The following ZNF566 variants were observed in gnomAD, a reference collection of about 807,000 sequenced individuals.
ZNF566 encodes zinc finger protein 566.
Under a neutral mutation model 32.8 loss-of-function variants are expected in ZNF566, and 27 were observed. The ratio of observed to expected loss-of-function variants is 0.82; its 90% CI spans 0.61 to 1.14. ZNF566 has a LOEUF of 1.14. ZNF566 is among the 50% of genes most tolerant of loss of function. ZNF566 has a pLI of 0.00. For synonymous variants in ZNF566, 154 were observed against 159.5 expected (o/e 0.97, Z 0.26); for missense variants, 402 against 490.4 (o/e 0.82, Z 1.70).
chr19:36,457,264 CTT>C (rs1308572329), intron 4 of ZNF566, among the ~76,000 whole-genome samples: 1 of 152,074 alleles, frequency 6.6e-6, no homozygotes, highest in Non-Finnish European at 1.5e-5. Flanking sequence ...GGATTAAAGA[CTT>C]AAACATGAGA....
At chr19:36,476,306 G>GAA (rs74174412) in intron 2 of ZNF566, 1,610 of 222,730 alleles carry the variant, frequency 7.2e-3, no homozygotes, top group South Asian at 0.013. Flanking sequence ...ACTCCATCTC[G>GAA]AAAAAAAAAA....
chr19:36,485,582 T>C (rs1028919464), intron 1 of ZNF566, among the ~76,000 whole-genome samples: 1 of 150,128 alleles, frequency 6.7e-6, no homozygotes, highest in Admixed American at 6.7e-5. Flanking sequence ...GCCAACATGG[T>C]GAAACCCCAT....
chr19:36,458,977 C>G (rs568107743), intron 4 of ZNF566, among the ~76,000 whole-genome samples: 3 of 152,200 alleles, frequency 2.0e-5, no homozygotes, highest in Non-Finnish European at 2.9e-5. Context: ...CCTCAGCCTC[C>G]CAGGTAGCTG....
intron 4 of ZNF566, among the ~76,000 whole-genome samples, chr19:36,470,127 T>G (rs1313363507): frequency 6.6e-6 from 1 of 152,166 alleles, no homozygotes; most frequent in East Asian, 1.9e-4. Flanking sequence ...TTTCTGTCCT[T>G]GCTATATTTA....
intron 2 of ZNF566, 112 bp from the exon 3 acceptor site, chr19:36,473,570 G>A (rs1373483585): frequency 2.1e-6 from 2 of 961,040 alleles, no homozygotes; most frequent in Non-Finnish European, 3.0e-6. Context: ...GTGAGCATAT[G>A]AATGTCTGGG....
Position 36,449,909 on chromosome 19 carries a change from T to C in ZNF566, c.325A>G (p.Thr109Ala), listed in dbSNP as rs772912892. ...STQWEIMEKLTRRDFQCSSFR... is the reference protein window; with the variant it reads ...STQWEIMEKLARRDFQCSSFR... ...CTGGAGCACTGAAAATCACGTCTTG[T>C]GAGTTTTTCCATTATTTCCCACTGG... The change falls in exon 5 of 5, where the codon ACA becomes GCA. Residue 109 changes from threonine to alanine, a missense_variant. Thr to Ala is a moderately conservative substitution (Grantham distance 58). Coordinates refer to ENST00000452939, the MANE Select transcript of ZNF566 (RefSeq NM_001145344.1). 3.3e-5 allele frequency: 53 copies of C among 1,613,974 alleles called. No individual in the cohort carries two copies. The South Asian group carries it at 5.7e-4, about 17-fold the overall frequency.
At chr19:36,465,912 T>C (rs971487344) in intron 4 of ZNF566, among the ~76,000 whole-genome samples, 2 of 151,074 alleles carry the variant, frequency 1.3e-5, no homozygotes, top group Non-Finnish European at 2.9e-5. Flanking sequence ...GCAGTATAAA[T>C]ATATATAAAG....
intron 4 of ZNF566, among the ~76,000 whole-genome samples, chr19:36,461,860 C>T (rs1003318455): frequency 2.6e-5 from 4 of 152,008 alleles, no homozygotes; most frequent in African/African-American, 9.7e-5. Flanking sequence ...TGTGTGTACA[C>T]CACCCAATCC....
chr19:36,475,718 G>A (rs1013961221), intron 2 of ZNF566, among the ~76,000 whole-genome samples: 5 of 152,034 alleles, frequency 3.3e-5, no homozygotes, highest in African/African-American at 7.3e-5. Context: ...GGGGGGCGGC[G>A]GGGAACTGAA....
At chr19:36,483,365 C>G (rs1030904194) in intron 1 of ZNF566, among the ~76,000 whole-genome samples, 1 of 152,168 alleles carries the variant, frequency 6.6e-6, no homozygotes, top group Non-Finnish European at 1.5e-5. Context: ...AATAAGCACA[C>G]CAAGTGCCCA....
rs118037844 is a variant in ZNF566, at chr19:36,468,306, G to A, written c.232+4605C>T. Among the ~76,000 whole-genome samples the A allele has an allele frequency of 6.3e-3, 956 of 151,788 alleles. 6 individuals carry two copies. Among genetic ancestry groups the A allele is most frequent in the Non-Finnish European group, 0.01 (706 of 68,000 alleles). On this transcript the variant is annotated intron_variant, in intron 4 of 4. Coordinates refer to ENST00000452939, the MANE Select transcript of ZNF566 (RefSeq NM_001145344.1). The stretch of plus-strand genomic sequence containing the variant: ...AAACAAATACAAGTGTTGAAGAAAA[G>A]TTAAAATTAGGTAGCTCGGCTGGGT...
At chr19:36,477,197 T>G (rs1247989596) in intron 1 of ZNF566, among the ~76,000 whole-genome samples, 2 of 148,580 alleles carry the variant, frequency 1.3e-5, no homozygotes, top group Non-Finnish European at 3.0e-5. Flanking sequence ...TTTTTAGTAG[T>G]GATGGGGTTT....
intron 2 of ZNF566, among the ~76,000 whole-genome samples, chr19:36,474,900 C>G (rs988146837): frequency 2.0e-5 from 3 of 152,158 alleles, no homozygotes; most frequent in Admixed American, 6.5e-5. Context: ...TTTAGAAATT[C>G]AGGCTAGAGG....
intron 4 of ZNF566, among the ~76,000 whole-genome samples, chr19:36,466,454 T>C (rs1398987232): frequency 2.0e-5 from 3 of 152,228 alleles, no homozygotes; most frequent in African/African-American, 7.2e-5. Flanking sequence ...CAACTATACG[T>C]ATTTTACATC....
At chr19:36,482,299 G>C (rs1018189313) in intron 1 of ZNF566, among the ~76,000 whole-genome samples, 2 of 152,070 alleles carry the variant, frequency 1.3e-5, no homozygotes, top group African/African-American at 4.8e-5. Flanking sequence ...TAGAGACGGG[G>C]TTTCACCGTG....
intron 4 of ZNF566, among the ~76,000 whole-genome samples, chr19:36,468,467 G>A (rs1466872348): frequency 1.3e-5 from 2 of 151,432 alleles, no homozygotes; most frequent in Admixed American, 6.6e-5. Context: ...TTAGCTGGGT[G>A]TGGTGCTGCA....
intron 4 of ZNF566, among the ~76,000 whole-genome samples, chr19:36,460,169 C>T (rs2033426263): frequency 6.6e-6 from 1 of 151,868 alleles, no homozygotes; most frequent in South Asian, 2.1e-4. Context: ...CCTTAGGATA[C>T]CATCCAAAAT....
intron 1 of ZNF566, among the ~76,000 whole-genome samples, chr19:36,477,537 G>GTTTTTTT (rs754474326): frequency 1.2e-5 from 1 of 82,790 alleles, no homozygotes; most frequent in Non-Finnish European, 2.6e-5. Flanking sequence ...TTTTTTTTTT[G>GTTTTTTT]TTTGTTTGTT....
chr19:36,454,627 A>G (rs1263333877), intron 4 of ZNF566, among the ~76,000 whole-genome samples: 1 of 152,236 alleles, frequency 6.6e-6, no homozygotes, highest in Non-Finnish European at 1.5e-5. Context: ...CAAATTGGAT[A>G]AACTAGGAAA....
Sources: gnomAD v4.1 joint callset for allele counts (sites outside exome capture counted in the v4.1 genomes callset) on GRCh38, gnomAD v4.1.1 for gene constraint, MANE v1.5 for transcripts, NCBI Gene and HGNC (gene_info 2026-07-23, HGNC 2026-07-21) for gene names.